Variants in CRACD observed in about 807,000 individuals in gnomAD.
CRACD encodes the protein capping protein-inhibiting regulator of actin dynamics.
CRACD carries 56 observed loss-of-function variants against 106.8 expected under a neutral mutation model. The ratio of observed to expected loss-of-function variants is 0.52; its 90% CI spans 0.42 to 0.66. CRACD has a LOEUF of 0.66. CRACD is among the 30% of genes least tolerant of loss of function. The pLI, the probability that CRACD is intolerant of heterozygous loss-of-function variation, is 0.00. For synonymous variants in CRACD, 754 were observed against 670.8 expected (o/e 1.12, Z -1.92); for missense variants, 1,730 against 1,623.2 (o/e 1.07, Z -1.13).
intron 1 of CRACD, among the ~76,000 whole-genome samples, chr4:56,111,063 G>A (rs1734105364): frequency 8.7e-6 from 1 of 114,810 alleles, no homozygotes; most frequent in Non-Finnish European, 1.7e-5. Context: ...GGGATTAAAA[G>A]AAAAATTAAA....
At chr4:56,170,893 A>C (rs1448964447) in intron 1 of CRACD, among the ~76,000 whole-genome samples, 1 of 152,132 alleles carries the variant, frequency 6.6e-6, no homozygotes, top group Admixed American at 6.6e-5. Context: ...GTAAATAGGG[A>C]GTAATTTAAC....
At chr4:56,187,864 A>G (rs1737152202) in intron 2 of CRACD, among the ~76,000 whole-genome samples, 1 of 152,230 alleles carries the variant, frequency 6.6e-6, no homozygotes, top group African/African-American at 2.4e-5. Flanking sequence ...ATTGACACCA[A>G]ACAGAAAGCT....
intron 2 of CRACD, among the ~76,000 whole-genome samples, chr4:56,208,538 C>G (rs1227072483): frequency 2.0e-5 from 3 of 152,202 alleles, no homozygotes; most frequent in Non-Finnish European, 4.4e-5. Context: ...AGGCCTTCTA[C>G]ACATATCAGA....
At chr4:56,076,069 C>T (rs1732829205) in intron 1 of CRACD, among the ~76,000 whole-genome samples, 1 of 152,164 alleles carries the variant, frequency 6.6e-6, no homozygotes, top group Non-Finnish European at 1.5e-5. Context: ...CAGAATGTGA[C>T]TGTATTTGGA....
At chr4:56,299,936 A>C (rs778407219) in intron 4 of CRACD, among the ~76,000 whole-genome samples, 17 of 152,050 alleles carry the variant, frequency 1.1e-4, no homozygotes, top group Non-Finnish European at 2.1e-4. Flanking sequence ...CAGGAGATCG[A>C]GACCATCCTG....
At chr4:56,174,009 ATCT>A (rs1736484024) in intron 1 of CRACD, among the ~76,000 whole-genome samples, 1 of 152,200 alleles carries the variant, frequency 6.6e-6, no homozygotes, top group Non-Finnish European at 1.5e-5. Flanking sequence ...GAATTGATGT[ATCT>A]TCTTTGGAGA....
At chr4:56,210,738 A>G (rs1738360809) in intron 2 of CRACD, among the ~76,000 whole-genome samples, 1 of 152,242 alleles carries the variant, frequency 6.6e-6, no homozygotes, top group South Asian at 2.1e-4. Context: ...TTTCTTTTAC[A>G]AAACGATTTG....
intron 9 of CRACD, 53 bp downstream of exon 9, chr4:56,323,620 T>C (rs1208469917): frequency 1.4e-6 from 2 of 1,450,670 alleles, no homozygotes; most frequent in Admixed American, 3.0e-5. Context: ...TTGGTTCTCT[T>C]TTCAGTCACA....
chr4:56,240,541 G>T (rs769743508), intron 2 of CRACD, among the ~76,000 whole-genome samples: 11 of 152,088 alleles, frequency 7.2e-5, no homozygotes, highest in Non-Finnish European at 1.5e-4. Flanking sequence ...GCCTCACTTT[G>T]TCACGCAGGC....
chr4:56,140,697 C>T (rs1307414381), intron 1 of CRACD, among the ~76,000 whole-genome samples: 3 of 152,200 alleles, frequency 2.0e-5, no homozygotes, highest in African/African-American at 7.2e-5. Flanking sequence ...GTCAGCATTG[C>T]ACAGGGCCAG....
At chr4:56,301,409 G>A (rs1744359896) in intron 4 of CRACD, among the ~76,000 whole-genome samples, 1 of 152,158 alleles carries the variant, frequency 6.6e-6, no homozygotes, top group Non-Finnish European at 1.5e-5. Context: ...TCTGAGGCAT[G>A]TATGTTTTTA....
intron 1 of CRACD, among the ~76,000 whole-genome samples, chr4:56,097,975 GA>G (rs1012369547): frequency 6.6e-6 from 1 of 150,694 alleles, no homozygotes; most frequent in Admixed American, 6.6e-5. Context: ...AACCCAGAAT[GA>G]AAAAAAAATT....
At chr4:56,053,133 T>C (rs1374857113) in intron 1 of CRACD, among the ~76,000 whole-genome samples, 3 of 152,216 alleles carry the variant, frequency 2.0e-5, no homozygotes, top group Non-Finnish European at 4.4e-5. Context: ...GCTGTGTAAC[T>C]ATAAAAAGAC....
intron 2 of CRACD, among the ~76,000 whole-genome samples, chr4:56,188,682 T>TGTCA (rs1553908651): frequency 9.0e-6 from 1 of 111,668 alleles, no homozygotes; most frequent in African/African-American, 4.4e-5. Flanking sequence ...TCTCTCTCTC[T>TGTCA]CTCTCACACA....
At chr4:56,075,963 G>A (rs1310207866) in intron 1 of CRACD, among the ~76,000 whole-genome samples, 1 of 152,148 alleles carries the variant, frequency 6.6e-6, no homozygotes, top group African/African-American at 2.4e-5. Context: ...CATGGGGAAG[G>A]GAGCTGATTA....
chr4:56,269,455 G>A (rs1742219721), intron 2 of CRACD, among the ~76,000 whole-genome samples: 1 of 151,928 alleles, frequency 6.6e-6, no homozygotes, highest in Non-Finnish European at 1.5e-5. Flanking sequence ...GCCAGCATCT[G>A]TTTGCCTTCT....
chr4:56,132,076 C>G (rs1734842726), intron 1 of CRACD, among the ~76,000 whole-genome samples: 3 of 152,000 alleles, frequency 2.0e-5, no homozygotes, highest in Admixed American at 1.3e-4. Context: ...TAGACAGGGC[C>G]TTGCTCTGCC....
At chr4:56,254,506 A>C (rs1465075984) in intron 2 of CRACD, among the ~76,000 whole-genome samples, 1 of 151,960 alleles carries the variant, frequency 6.6e-6, no homozygotes, top group Non-Finnish European at 1.5e-5. Context: ...TGTGAACACT[A>C]AGGTTTTCAT....
intron 1 of CRACD, among the ~76,000 whole-genome samples, chr4:56,089,668 C>G (rs1335487624): frequency 2.0e-5 from 3 of 152,078 alleles, no homozygotes; most frequent in Non-Finnish European, 4.4e-5. Flanking sequence ...CATGGGCCAC[C>G]ACACACAGCT....
Sources: gnomAD v4.1 joint callset for allele counts (sites outside exome capture counted in the v4.1 genomes callset) on GRCh38, gnomAD v4.1.1 for gene constraint, MANE v1.5 for transcripts, NCBI Gene and HGNC (gene_info 2026-07-23, HGNC 2026-07-21) for gene names.